Variants in BICRA observed in about 807,000 individuals in gnomAD.
The protein encoded by BICRA is BRD4-interacting chromatin-remodeling complex-associated protein.
BICRA carries 31 observed loss-of-function variants against 96.9 expected under a neutral mutation model. That is an observed-to-expected ratio of 0.32 (90% CI 0.24 to 0.43). The LOEUF is 0.43. Among genes scored for constraint, BICRA ranks in the 20% least tolerant of loss-of-function variants. The pLI is 1.00. For missense variants in BICRA, 2,283 were observed against 2,190.3 expected (o/e 1.04, Z -0.84); for synonymous variants, 1,350 against 1,071.8 (o/e 1.26, Z -5.07).
chr19:47,655,433 G>A (rs1374304208), intron 1 of BICRA, among the ~76,000 whole-genome samples: 1 of 148,436 alleles, frequency 6.7e-6, no homozygotes, highest in Non-Finnish European at 1.5e-5. Context: ...GTGGAGGCAG[G>A]AGATTCGCTT....
Position 47,699,289 on chromosome 19 carries a change from T to C in BICRA, c.3493-14T>C, listed in dbSNP as rs1270903417. On this transcript the variant is annotated splice_polypyrimidine_tract_variant and intron_variant, in intron 13 of 14. Transcript: ENST00000594866. The surrounding 1 kb of genome is among the most constrained non-coding windows in gnomAD (Gnocchi z 5.0). Reference sequence around the variant, plus strand: ...TGCTGGTTCACTCGCACGTCGTCTTTTCCCCCACCCCAGAGGGTGAGCCCC... The same window carrying C: ...TGCTGGTTCACTCGCACGTCGTCTTCTCCCCCACCCCAGAGGGTGAGCCCC... 2 of 1,505,878 alleles carry C rather than the reference T, an allele frequency of 1.3e-6. No individual in the cohort carries two copies. Among genetic ancestry groups the C allele is most frequent in the African/African-American group, 2.8e-5 (2 of 72,200 alleles). The allele number at this position is 1,505,878 out of a possible 1,614,324, so 93.3% of individuals were successfully genotyped here. A position where few individuals can be genotyped will look rare whatever the true frequency, so the allele number is the denominator to read the frequency against.
chr19:47,699,213 G>A lies in BICRA; in HGVS notation c.3493-90G>A. The A allele has an allele frequency of 1.1e-6, 1 of 891,962 alleles. No individual in the cohort carries two copies. The highest frequency in any genetic ancestry group is 1.4e-5 in the South Asian group (1 of 69,886). 55.3% of individuals were successfully genotyped at this position (891,962 alleles called of 1,614,324 possible). ...GGCGGGAGCTCCCATCACAAGGACAGTTTGGACCTTGCACGCATCGTCCCC... is the reference window on the plus strand; with the variant it reads ...GGCGGGAGCTCCCATCACAAGGACAATTTGGACCTTGCACGCATCGTCCCC... On this transcript the variant is annotated intron_variant, in intron 13 of 14. Transcript: ENST00000594866. The surrounding 1 kb of genome is among the most constrained non-coding windows in gnomAD (Gnocchi z 5.0).
chr19:47,690,811 T>C (rs975137597), intron 7 of BICRA, among the ~76,000 whole-genome samples: 2 of 151,224 alleles, frequency 1.3e-5, no homozygotes, highest in Non-Finnish European at 3.0e-5. Flanking sequence ...TGTGTGTGTG[T>C]GTGCGCACTT....
rs1346599857 is a variant in BICRA at position 47,701,605 on chromosome 19, C to T, written c.3873C>T (p.Ser1291=). ...CCGACGAGGACGGCCCCATGCCCTC[C>T]CGCAACCGCCCGCCCATCAAGACCT... The part of the protein sequence containing the change: ...LDADEDGPMP[S]RNRPPIKTYE... Residue 1291 remains serine (S), a synonymous_variant, in exon 15 of 15, where the codon TCC becomes TCT. Transcript: ENST00000594866. This position sits in a 1 kb window ranked among gnomAD's most constrained non-coding sequence, Gnocchi z 5.4. 6.4e-7 allele frequency: 1 copy of T among 1,560,430 alleles called. No homozygotes were observed. The highest frequency in any genetic ancestry group is 8.7e-7 in the Non-Finnish European group (1 of 1,153,312).
chr19:47,691,886 T>G (rs886609784), intron 7 of BICRA, among the ~76,000 whole-genome samples: 1 of 152,122 alleles, frequency 6.6e-6, no homozygotes, highest in Admixed American at 6.6e-5. Context: ...TAGTATAATA[T>G]TTCAGCCTTG....
intron 1 of BICRA, among the ~76,000 whole-genome samples, chr19:47,614,922 C>G (rs1192871855): frequency 2.6e-5 from 4 of 152,192 alleles, no homozygotes; most frequent in African/African-American, 4.8e-5. Context: ...ATTGCTAGAT[C>G]AAGGGCCAGT....
chr19:47,679,653 A>G lies in BICRA; in HGVS notation c.483A>G (p.Pro161=). The change falls in exon 6 of 15, where the codon CCA becomes CCG. Residue 161 remains proline, a synonymous_variant. Transcript: ENST00000594866. ...CTGCGGGGCCCCAAGCCCTCTTCCC[A>G]GGCAGCACCGACCTGCTGGGGCTGC... ...AVAAGPQALF[P]GSTDLLGLQG... The G allele has an allele frequency of 1.3e-6, 2 of 1,513,352 alleles. No homozygotes were observed. The highest frequency in any genetic ancestry group is 1.4e-5 in the African/African-American group (1 of 71,936). 93.7% of individuals were successfully genotyped at this position (1,513,352 alleles called of 1,614,324 possible).
rs962477623 is a variant in BICRA at position 47,617,048 on chromosome 19, G to A, written c.-108+7880G>A. Among the ~76,000 whole-genome samples the A allele has an allele frequency of 5.3e-5, 8 of 150,846 alleles. No homozygotes were observed. The East Asian group carries it at 5.9e-4, about 11-fold the overall frequency. ...TGGCCATGTTGGCCAGGCTAGTCTC[G>A]AACTCCTGGACTCAAGCAATCCACC... is the stretch of plus-strand genomic sequence containing the variant. On this transcript the variant is annotated intron_variant, in intron 1 of 14. Transcript: ENST00000594866.
chr19:47,658,604 C>T (rs1972655600), intron 1 of BICRA, among the ~76,000 whole-genome samples: 2 of 145,934 alleles, frequency 1.4e-5, no homozygotes, highest in Admixed American at 1.4e-4. Context: ...TGCGCTCCAG[C>T]CTGGGTGACA....
intron 1 of BICRA, among the ~76,000 whole-genome samples, chr19:47,618,673 G>A (rs1310606256): frequency 6.6e-6 from 1 of 152,152 alleles, no homozygotes; most frequent in African/African-American, 2.4e-5. Flanking sequence ...CAACTTCAGC[G>A]TGGCCCCTCT....
chr19:47,701,990 A>G lies in BICRA; in HGVS notation c.4258A>G (p.Lys1420Glu). 1 of 1,480,224 alleles carries G rather than the reference A, an allele frequency of 6.8e-7. No individual in the cohort carries two copies. Among genetic ancestry groups the G allele is most frequent in the Non-Finnish European group, 8.9e-7 (1 of 1,124,590 alleles). The allele number at this position is 1,480,224 out of a possible 1,614,324, so 91.7% of individuals were successfully genotyped here. A position where few individuals can be genotyped will look rare whatever the true frequency, so the allele number is the denominator to read the frequency against. Residue 1420 changes from lysine to glutamate, a missense_variant, in exon 15 of 15, where the codon AAA becomes GAA. Coordinates refer to ENST00000594866, the MANE Select transcript of BICRA (RefSeq NM_001394372.1). This position sits in a 1 kb window ranked among gnomAD's most constrained non-coding sequence, Gnocchi z 5.4. ...RGGSPAPLPAKVDEATSGLIR... is the reference protein window; with the variant it reads ...RGGSPAPLPAEVDEATSGLIR... The stretch of plus-strand genomic sequence containing the variant: ...AGGCAGCCCGGCGCCGCTGCCCGCC[A>G]AAGTGGACGAGGCCACCAGCGGGCT...
intron 7 of BICRA, among the ~76,000 whole-genome samples, chr19:47,685,786 T>TGTGTGCGCGCGCGCGCGC: frequency 3.7e-4 from 44 of 117,956 alleles, no homozygotes; most frequent in East Asian, 1.4e-3. Context: ...TGTGTGTGTG[T>TGTGTGCGCGCGCGCGCGC]GCGCGCGCGC....
rs1470790151 is a variant in BICRA, at chr19:47,675,823, A to G, written c.85-28A>G. The G allele has an allele frequency of 6.3e-7, 1 of 1,595,502 alleles. No individual in the cohort carries two copies. The highest frequency in any genetic ancestry group is 8.6e-7 in the Non-Finnish European group (1 of 1,167,578). On this transcript the variant is annotated intron_variant, in intron 4 of 14. Coordinates refer to ENST00000594866, the MANE Select transcript of BICRA (RefSeq NM_001394372.1). This position sits in a 1 kb window ranked among gnomAD's most constrained non-coding sequence, Gnocchi z 4.7. ...CATGGGCCTGCCCTGCTGACTTTTGACCTTGGATGGGGCGGGTCTTGTTGC... is the reference window on the plus strand; with the variant it reads ...CATGGGCCTGCCCTGCTGACTTTTGGCCTTGGATGGGGCGGGTCTTGTTGC...
At chr19:47,655,120 CA>C (rs1352358090) in intron 1 of BICRA, among the ~76,000 whole-genome samples, 2 of 152,182 alleles carry the variant, frequency 1.3e-5, no homozygotes, top group African/African-American at 4.8e-5. Flanking sequence ...TGCAGTCAAG[CA>C]ACGCCACACC....
At position 47,682,289 on chromosome 19, in the gene BICRA, C is replaced by G. The variant is rs139203849; in HGVS notation, c.2283+137C>G. On this transcript the variant is annotated intron_variant, in intron 7 of 14. Transcript: ENST00000594866. The stretch of plus-strand genomic sequence containing the variant: ...GGAACACAGAGCTCTCCTTCACCCC[C>G]CAAGTGTCTCCTAGTGATCATGGAT... 1.5e-3 allele frequency: 862 copies of G among 556,866 alleles called. 4 individuals carry two copies. The highest frequency in any genetic ancestry group is 6.1e-3 in the Middle Eastern group (13 of 2,124). 34.5% of individuals were successfully genotyped at this position (556,866 alleles called of 1,614,324 possible). A position where few individuals can be genotyped will look rare whatever the true frequency, so the allele number is the denominator to read the frequency against.
At position 47,698,684 on chromosome 19, in the gene BICRA, A is replaced by G. The variant is rs763372289; in HGVS notation, c.3299A>G (p.Tyr1100Cys). Residue 1100 changes from tyrosine (Y) to cysteine (C), a missense_variant, in exon 12 of 15, where the codon TAC (tyrosine) becomes TGC (cysteine). Coordinates refer to ENST00000594866, the MANE Select transcript of BICRA (RefSeq NM_001394372.1). The surrounding 1 kb of genome is among the most constrained non-coding windows in gnomAD (Gnocchi z 4.8). ...CAGGGCTCCGTCCTGCACCCCGACT[A>G]CAAGACGGCCTTCCCCTCCTTTGAG... ...KHQGSVLHPD[Y>C]KTAFPSFEDA... The G allele has an allele frequency of 1.9e-6, 3 of 1,586,654 alleles. No individual in the cohort carries two copies. Among genetic ancestry groups the G allele is most frequent in the Admixed American group, 1.7e-5 (1 of 59,918 alleles).
chr19:47,629,748 C>T (rs1032489867), intron 1 of BICRA, among the ~76,000 whole-genome samples: 3 of 152,112 alleles, frequency 2.0e-5, no homozygotes, highest in South Asian at 2.1e-4. Flanking sequence ...ACCCCTGCCT[C>T]GCAGGTTCAA....
chr19:47,695,526 C>T, intron 10 of BICRA, 52 bp downstream of exon 10: 1 of 837,976 alleles, frequency 1.2e-6, no homozygotes, highest in Non-Finnish European at 2.0e-6. Context: ...TCTTCGGGAA[C>T]TGGGAACTGG....
intron 1 of BICRA, among the ~76,000 whole-genome samples, chr19:47,639,671 T>C (rs1972356117): frequency 7.1e-6 from 1 of 141,712 alleles, no homozygotes; most frequent in African/African-American, 2.7e-5. Context: ...ACAGGGTTTC[T>C]CTGTGTCGCC....
Sources: gnomAD v4.1 joint callset for allele counts (sites outside exome capture counted in the v4.1 genomes callset) on GRCh38, gnomAD v4.1.1 for gene constraint, Gnocchi (gnomAD v3.1) non-coding constraint, MANE v1.5 for transcripts, NCBI Gene and HGNC (gene_info 2026-07-23, HGNC 2026-07-21) for gene names.